Variants in NOVA1 observed in about 807,000 individuals in gnomAD.
NOVA1 encodes the protein RNA-binding protein Nova-1.
Under a neutral mutation model 38.0 loss-of-function variants are expected in NOVA1, and 7 were observed. The observed-to-expected ratio is 0.18, with a 90% CI of 0.10 to 0.35. NOVA1 has a LOEUF of 0.35. Ranked by LOEUF, NOVA1 falls within the 10% of genes least tolerant of loss-of-function variation. The probability of loss-of-function intolerance (pLI) is 1.00; values close to 1 mark genes in which losing one functional copy is unlikely to be tolerated. For synonymous variants in NOVA1, 270 were observed against 232.5 expected (o/e 1.16, Z -1.47); for missense variants, 460 against 616.0 (o/e 0.75, Z 2.68).
chr14:26,587,318 AAAAAAC>A (rs903014959), intron 2 of NOVA1, among the ~76,000 whole-genome samples: 7 of 150,112 alleles, frequency 4.7e-5, no homozygotes, highest in East Asian at 1.9e-4. Flanking sequence ...TAAAAAAAAA[AAAAAAC>A]AAAAATCTAA....
In NOVA1 at chr14:26,447,557, C is replaced by G. The variant is rs916168727; in HGVS notation, c.*402G>C. On this transcript the variant is annotated 3_prime_UTR_variant, in exon 5 of 5. Coordinates refer to ENST00000539517, the MANE Select transcript of NOVA1 (RefSeq NM_002515.3). Reference sequence around the variant, plus strand: ...TACAGGACAGTGCTTTGGCCTCACTCCATTTTAGGTCACTGACCCCACCAT... The same window carrying G: ...TACAGGACAGTGCTTTGGCCTCACTGCATTTTAGGTCACTGACCCCACCAT... The G allele has an allele frequency of 2.7e-5, 5 of 187,178 alleles. No homozygotes were observed. Among genetic ancestry groups the G allele is most frequent in the Non-Finnish European group, 5.7e-5 (5 of 88,258 alleles). The allele number at this position is 187,178 out of a possible 1,614,324, so 11.6% of individuals were successfully genotyped here.
chr14:26,481,076 T>A (rs1885417628), intron 2 of NOVA1, among the ~76,000 whole-genome samples: 1 of 152,220 alleles, frequency 6.6e-6, no homozygotes, highest in South Asian at 2.1e-4. Context: ...GTTTTTCAGA[T>A]TATTCTCAGG....
chr14:26,498,530 A>C (rs911104673), intron 2 of NOVA1, among the ~76,000 whole-genome samples: 1 of 152,150 alleles, frequency 6.6e-6, no homozygotes, highest in Non-Finnish European at 1.5e-5. Context: ...TATTACCATA[A>C]TATTAAAATA....
intron 3 of NOVA1, among the ~76,000 whole-genome samples, chr14:26,478,480 A>G (rs1000891640): frequency 1.2e-4 from 19 of 152,104 alleles, no homozygotes; most frequent in African/African-American, 4.6e-4. Context: ...TAAGGCAGAA[A>G]GCCAATAGAC....
chr14:26,465,654 T>C (rs533008420), intron 4 of NOVA1, among the ~76,000 whole-genome samples: 72 of 152,234 alleles, frequency 4.7e-4, no homozygotes, highest in African/African-American at 1.7e-3. Flanking sequence ...TTGGTTTATA[T>C]TGTTAGAGAG....
At chr14:26,500,000 C>T (rs1887134609) in intron 2 of NOVA1, among the ~76,000 whole-genome samples, 2 of 151,992 alleles carry the variant, frequency 1.3e-5, no homozygotes, top group African/African-American at 2.4e-5. Flanking sequence ...AAGTTTTTTA[C>T]ACTTTTCTTA....
chr14:26,532,820 T>C (rs1566511230), intron 2 of NOVA1, among the ~76,000 whole-genome samples: 1 of 152,344 alleles, frequency 6.6e-6, no homozygotes, highest in South Asian at 2.1e-4. Flanking sequence ...TCAAATAGTA[T>C]GTCTAAACTC....
chr14:26,451,709 C>A (rs375355794), intron 4 of NOVA1, among the ~76,000 whole-genome samples: 2 of 152,116 alleles, frequency 1.3e-5, no homozygotes, highest in South Asian at 4.1e-4. Flanking sequence ...ATAGTGTTAA[C>A]TTTTAATGAC....
chr14:26,564,754 T>C (rs1443239365), intron 2 of NOVA1, among the ~76,000 whole-genome samples: 1 of 152,144 alleles, frequency 6.6e-6, no homozygotes, highest in Non-Finnish European at 1.5e-5. Flanking sequence ...ACCAACCCTA[T>C]TTTACTATAT....
intron 2 of NOVA1, among the ~76,000 whole-genome samples, chr14:26,573,481 T>C (rs1892618311): frequency 6.6e-6 from 1 of 151,812 alleles, no homozygotes; most frequent in Admixed American, 6.6e-5. Context: ...GAACATATTA[T>C]AAAGCCAAAG....
At chr14:26,486,199 G>A (rs1276746037) in intron 2 of NOVA1, among the ~76,000 whole-genome samples, 1 of 151,964 alleles carries the variant, frequency 6.6e-6, no homozygotes, top group Non-Finnish European at 1.5e-5. Context: ...GCTATTTGGA[G>A]GTATGTCTGT....
chr14:26,528,630 C>G (rs1889467812), intron 2 of NOVA1, among the ~76,000 whole-genome samples: 1 of 152,134 alleles, frequency 6.6e-6, no homozygotes, highest in Admixed American at 6.5e-5. Context: ...CAGCTCTTAG[C>G]CACCGAGCCA....
chr14:26,574,832 A>AT (rs886775484), intron 2 of NOVA1, among the ~76,000 whole-genome samples: 20 of 149,656 alleles, frequency 1.3e-4, no homozygotes, highest in Non-Finnish European at 2.1e-4. Flanking sequence ...ATTTAAAAAA[A>AT]TTTTTTTTTT....
At chr14:26,464,422 T>C (rs1036774960) in intron 4 of NOVA1, among the ~76,000 whole-genome samples, 4 of 152,268 alleles carry the variant, frequency 2.6e-5, no homozygotes, top group Non-Finnish European at 4.4e-5. Flanking sequence ...CTATACCATC[T>C]AGGTTCATGT....
At chr14:26,530,446 A>G (rs1889628528) in intron 2 of NOVA1, among the ~76,000 whole-genome samples, 1 of 152,230 alleles carries the variant, frequency 6.6e-6, no homozygotes, top group African/African-American at 2.4e-5. Flanking sequence ...ACAAAGAAAA[A>G]TACACCTACA....
Position 26,567,290 on chromosome 14 carries a change from AT to A in NOVA1, c.280+28119del, listed in dbSNP as rs372263187. 5.5e-3 allele frequency among the ~76,000 whole-genome samples: 511 copies of A among 93,716 alleles called. 2 individuals carry two copies. Among genetic ancestry groups the A allele is most frequent in the African/African-American group, 0.019 (463 of 24,724 alleles). The allele number at this position is 93,716 out of a possible 152,430, so 61.5% of individuals were successfully genotyped here. A position where few individuals can be genotyped will look rare whatever the true frequency, so the allele number is the denominator to read the frequency against. On this transcript the variant is annotated intron_variant, in intron 2 of 4. Transcript: ENST00000539517. The stretch of plus-strand genomic sequence containing the variant: ...CTATAACATTTAAGTGTCTTGTTTA[AT>A]TTTTTTTTTTTTTTTTTTTTTTGAG...
intron 2 of NOVA1, among the ~76,000 whole-genome samples, chr14:26,587,314 A>AAC (rs1203738514): frequency 1.3e-5 from 2 of 150,386 alleles, no homozygotes; most frequent in South Asian, 2.1e-4. Flanking sequence ...TATATAAAAA[A>AAC]AAAAAAAAAC....
rs1885663666 is a variant in NOVA1 at position 26,483,983 on chromosome 14, G to C, written c.281-3840C>G. On this transcript the variant is annotated intron_variant, in intron 2 of 4. Transcript: ENST00000539517. ...TGTGAGATTATGGCATCAGTTTACA[G>C]AAAGTGTCATTTTTTTTTCTTTTCT... Among the ~76,000 whole-genome samples, 2 of 152,100 alleles carry C rather than the reference G, an allele frequency of 1.3e-5. 1 individual carries two copies. The highest frequency in any genetic ancestry group is 4.1e-4 in the South Asian group (2 of 4,828).
chr14:26,492,798 C>T (rs1886445601), intron 2 of NOVA1, among the ~76,000 whole-genome samples: 1 of 21,638 alleles, frequency 4.6e-5, no homozygotes, highest in Non-Finnish European at 3.4e-4. Context: ...GAAACCCCAT[C>T]TCTACTAAAC....
Sources: allele counts gnomAD v4.1 joint callset (sites outside exome capture counted in the v4.1 genomes callset), GRCh38; gene constraint gnomAD v4.1.1; transcripts MANE v1.5; gene names NCBI Gene and HGNC (gene_info 2026-07-23, HGNC 2026-07-21).